The following TNNI3K variants were observed in gnomAD, a reference collection of about 807,000 sequenced individuals.
TNNI3K encodes TNNI3 interacting kinase.
A neutral mutation model predicts 114.5 loss-of-function variants in TNNI3K; 140 were observed. That is an observed-to-expected ratio of 1.22 (90% CI 1.07 to 1.41). The LOEUF (loss-of-function observed/expected upper bound fraction) is 1.41. TNNI3K is among the 40% of genes most tolerant of loss of function. The probability of loss-of-function intolerance (pLI) is 0.00; values close to 1 mark genes in which losing one functional copy is unlikely to be tolerated. For synonymous variants in TNNI3K, 347 were observed against 347.5 expected, an observed-to-expected ratio of 1.00 and a Z score of 0.02; for missense variants, 1,125 against 1,007.6, an observed-to-expected ratio of 1.12 and a Z score of -1.58.
chr1:74,460,786 G>A (rs56674950), intron 20 of TNNI3K, among the ~76,000 whole-genome samples: 4,335 of 152,328 alleles, frequency 0.028, 199 homozygotes, highest in African/African-American at 0.1. Flanking sequence ...TGCCAAGAGT[G>A]CTTAAAGCAA....
intron 17 of TNNI3K, among the ~76,000 whole-genome samples, chr1:74,379,869 C>T (rs1663109210): frequency 6.6e-6 from 1 of 152,064 alleles, no homozygotes; most frequent in Non-Finnish European, 1.5e-5. Context: ...GCTAAAGTTT[C>T]CTCCCAGGGC....
At chr1:74,360,062 T>C (rs1275094589) in intron 11 of TNNI3K, among the ~76,000 whole-genome samples, 1 of 151,994 alleles carries the variant, frequency 6.6e-6, no homozygotes, top group Non-Finnish European at 1.5e-5. Context: ...CTTCTTTATT[T>C]TGCTTAATAA....
intron 20 of TNNI3K, among the ~76,000 whole-genome samples, chr1:74,442,656 T>C (rs964545933): frequency 1.3e-5 from 2 of 152,128 alleles, no homozygotes; most frequent in Non-Finnish European, 1.5e-5. Context: ...GTTATATATT[T>C]TAGCATACAA....
chr1:74,421,493 A>AT lies in TNNI3K; in HGVS notation c.1773-14581dup, dbSNP rs1188015612. On this transcript the variant is annotated intron_variant, in intron 17 of 24. Coordinates refer to ENST00000326637, the MANE Select transcript of TNNI3K (RefSeq NM_015978.3). Reference sequence around the variant, plus strand: ...ATTTAGATATAAGCAATTTGAGGTAATTTTTTAAAAAAGAAAAGCTATTTA... The same window carrying AT: ...ATTTAGATATAAGCAATTTGAGGTAATTTTTTTAAAAAAGAAAAGCTATTTA... Among the ~76,000 whole-genome samples the AT allele has an allele frequency of 3.3e-5, 5 of 152,108 alleles. No homozygotes were observed. The East Asian group carries it at 7.7e-4, about 23-fold the overall frequency.
chr1:74,379,812 T>A (rs1250681753), intron 17 of TNNI3K, among the ~76,000 whole-genome samples: 1 of 152,156 alleles, frequency 6.6e-6, no homozygotes, highest in Admixed American at 6.5e-5. Context: ...ACTACTAGAA[T>A]GTCCTTTAGT....
At chr1:74,253,484 C>CG (rs1655077265) in intron 4 of TNNI3K, among the ~76,000 whole-genome samples, 1 of 152,156 alleles carries the variant, frequency 6.6e-6, no homozygotes, top group South Asian at 2.1e-4. Flanking sequence ...TGAGCCCTGC[C>CG]GCACGGGGAG....
intron 20 of TNNI3K, among the ~76,000 whole-genome samples, chr1:74,462,653 G>T (rs1364469006): frequency 6.6e-6 from 1 of 152,154 alleles, no homozygotes. Context: ...CATGATGCCT[G>T]ATACAAAATG....
chr1:74,502,241 TC>T (rs1669670417), intron 23 of TNNI3K, among the ~76,000 whole-genome samples: 1 of 152,190 alleles, frequency 6.6e-6, no homozygotes, highest in South Asian at 2.1e-4. Context: ...AAAATGTCTC[TC>T]CTTTTGCTGC....
At chr1:74,487,295 C>G (rs76668425) in intron 21 of TNNI3K, among the ~76,000 whole-genome samples, 1 of 152,082 alleles carries the variant, frequency 6.6e-6, no homozygotes, top group East Asian at 1.9e-4. Context: ...TCCACAGAAA[C>G]AAAAGTGAGG....
At chr1:74,386,349 T>C (rs528483696) in intron 17 of TNNI3K, among the ~76,000 whole-genome samples, 56 of 152,082 alleles carry the variant, frequency 3.7e-4, no homozygotes, top group African/African-American at 1.0e-3. Flanking sequence ...AAAAATACCC[T>C]AAAATCATTC....
rs745901626 is a variant in TNNI3K, at chr1:74,480,340, C to A, written c.2122-8849C>A. On this transcript the variant is annotated intron_variant, in intron 21 of 24. Coordinates refer to ENST00000326637, the MANE Select transcript of TNNI3K (RefSeq NM_015978.3). Reference sequence around the variant, plus strand: ...AATTTAGGTCCTTGGCATTCCTGAGCGTGTGAGCAGAAGACTTAATGTAGT... The same window carrying A: ...AATTTAGGTCCTTGGCATTCCTGAGAGTGTGAGCAGAAGACTTAATGTAGT... The A allele has an allele frequency of 9.8e-6, 7 of 717,610 alleles. No homozygotes were observed. In the African/African-American group the frequency reaches 1.0e-4, roughly 11 times the overall value. 44.5% of individuals were successfully genotyped at this position (717,610 alleles called of 1,614,324 possible). A position where few individuals can be genotyped will look rare whatever the true frequency, so the allele number is the denominator to read the frequency against.
chr1:74,448,280 A>T (rs1031392446), intron 20 of TNNI3K, among the ~76,000 whole-genome samples: 11 of 146,750 alleles, frequency 7.5e-5, no homozygotes, highest in Non-Finnish European at 1.2e-4. Flanking sequence ...AAAAAAAAAA[A>T]AAAGAATGCT....
At chr1:74,317,980 G>A (rs1179958350) in intron 5 of TNNI3K, among the ~76,000 whole-genome samples, 3 of 152,106 alleles carry the variant, frequency 2.0e-5, no homozygotes, top group Admixed American at 6.5e-5. Flanking sequence ...TAGCCACCTC[G>A]CTTTCTCCAG....
At chr1:74,391,954 A>ATTTTTTTTT (rs1557539031) in intron 17 of TNNI3K, among the ~76,000 whole-genome samples, 2 of 93,262 alleles carry the variant, frequency 2.1e-5, no homozygotes, top group African/African-American at 1.1e-4. Flanking sequence ...GGTACAGCTT[A>ATTTTTTTTT]TTATTTTTTT....
At chr1:74,292,220 GT>G (rs1323442177) in intron 5 of TNNI3K, among the ~76,000 whole-genome samples, 1 of 150,948 alleles carries the variant, frequency 6.6e-6, no homozygotes, top group Admixed American at 6.6e-5. Flanking sequence ...AGTATTATAT[GT>G]TTGTCTTTTT....
chr1:74,533,123 C>G (rs1447308553), intron 23 of TNNI3K, among the ~76,000 whole-genome samples: 7 of 152,166 alleles, frequency 4.6e-5, no homozygotes, highest in Non-Finnish European at 1.0e-4. Context: ...TCAGAGTGAA[C>G]AGGCAACCTA....
At chr1:74,463,607 T>G in intron 21 of TNNI3K, 57 bp downstream of exon 21, 1 of 1,580,394 alleles carries the variant, frequency 6.3e-7, no homozygotes, top group Non-Finnish European at 8.7e-7. Context: ...CTGTCACAAA[T>G]AGTATAACTC....
chr1:74,333,844 T>A (rs1042577254), intron 6 of TNNI3K, among the ~76,000 whole-genome samples: 22 of 152,334 alleles, frequency 1.4e-4, no homozygotes, highest in Admixed American at 5.2e-4. Flanking sequence ...ATAGTTTAAA[T>A]CAGTCTATTA....
rs1259898994 is a variant in TNNI3K, at chr1:74,393,666, C to CT, written c.1772+23279dup. On this transcript the variant is annotated intron_variant, in intron 17 of 24. Transcript: ENST00000326637. ...GTATTATACAGCAGCAGTACCCAAA[C>CT]TTTTTGGCACCAGGGAGCAGTTTTG... is the stretch of plus-strand genomic sequence containing the variant. Among the ~76,000 whole-genome samples the CT allele has an allele frequency of 4.6e-5, 7 of 152,076 alleles. No individual in the cohort carries two copies. In the South Asian group the frequency reaches 1.2e-3, roughly 27 times the overall value.
Sources: allele counts gnomAD v4.1 joint callset (sites outside exome capture counted in the v4.1 genomes callset), GRCh38; gene constraint gnomAD v4.1.1; transcripts MANE v1.5; gene names NCBI Gene and HGNC (gene_info 2026-07-23, HGNC 2026-07-21).